The following GLIS3 variants were observed in gnomAD, a reference collection of about 807,000 sequenced individuals.
GLIS3 encodes the protein GLIS family zinc finger 3, also known as zinc finger protein GLIS3.
A neutral mutation model predicts 78.6 loss-of-function variants in GLIS3; 53 were observed. That is an observed-to-expected ratio of 0.67 (90% CI 0.54 to 0.85). The LOEUF is 0.85. GLIS3 is among the 40% of genes least tolerant of loss of function. The probability of loss-of-function intolerance (pLI) is 0.00; values close to 1 mark genes in which losing one functional copy is unlikely to be tolerated. For synonymous variants in GLIS3, 684 were observed against 509.9 expected (o/e 1.34, Z -4.60); for missense variants, 1,703 against 1,231.1 (o/e 1.38, Z -5.74).
At chr9:4,291,588 GAAGA>G (rs1443248702) in intron 1 of GLIS3, among the ~76,000 whole-genome samples, 1 of 151,966 alleles carries the variant, frequency 6.6e-6, no homozygotes, top group Non-Finnish European at 1.5e-5. Context: ...ACAGGACACA[GAAGA>G]AAGAAAGGAG....
rs1403353713 is a variant in GLIS3 at position 4,245,539 on chromosome 9, A to T, written c.388+40499T>A. ...TTTGAAAAATGCGAAGAGCTATATA[A>T]ATGTAAGGATGTGCAGTGGATGCTA... On this transcript the variant is annotated intron_variant, in intron 2 of 10. Transcript: ENST00000381971. Among the ~76,000 whole-genome samples, 8 of 152,354 alleles carry T rather than the reference A, an allele frequency of 5.3e-5. No homozygotes were observed. In the East Asian group the frequency reaches 1.2e-3, roughly 22 times the overall value.
chr9:4,077,731 G>C (rs1828200976), intron 4 of GLIS3, among the ~76,000 whole-genome samples: 2 of 152,112 alleles, frequency 1.3e-5, no homozygotes, highest in Admixed American at 6.6e-5. Context: ...GGGCGGGCTG[G>C]TCCTGTTCTC....
intron 4 of GLIS3, among the ~76,000 whole-genome samples, chr9:4,031,098 A>G (rs911928767): frequency 2.6e-5 from 4 of 152,360 alleles, no homozygotes; most frequent in South Asian, 4.1e-4. Flanking sequence ...CAGTTCTTCA[A>G]AAAGTTAAAT....
chr9:3,947,225 T>C (rs948095574), intron 4 of GLIS3, among the ~76,000 whole-genome samples: 4 of 152,264 alleles, frequency 2.6e-5, no homozygotes, highest in Non-Finnish European at 4.4e-5. Flanking sequence ...AAGATGAGAA[T>C]TGCCACTTCT....
chr9:4,452,698 T>G, the GLIS3 span, among the ~76,000 whole-genome samples: 2 of 152,198 alleles, frequency 1.3e-5, no homozygotes, highest in African/African-American at 4.8e-5. Context: ...GGACATTCCA[T>G]GTTCATGGAT....
chr9:3,867,624 C>G (rs936770588), intron 8 of GLIS3, among the ~76,000 whole-genome samples: 2 of 152,184 alleles, frequency 1.3e-5, no homozygotes, highest in African/African-American at 4.8e-5. Flanking sequence ...GCTTTCATCT[C>G]CATTTTCAAA....
chr9:4,389,925 G>C, the GLIS3 span, among the ~76,000 whole-genome samples: 1 of 152,232 alleles, frequency 6.6e-6, no homozygotes, highest in Non-Finnish European at 1.5e-5. Flanking sequence ...AACACAGTGT[G>C]ATAAGTAAAA....
At chr9:3,989,142 G>A (rs1376032326) in intron 4 of GLIS3, among the ~76,000 whole-genome samples, 1 of 152,078 alleles carries the variant, frequency 6.6e-6, no homozygotes, top group Non-Finnish European at 1.5e-5. Flanking sequence ...AAGCATATGA[G>A]AAGATGTTCA....
At chr9:4,380,702 T>C in the GLIS3 span, among the ~76,000 whole-genome samples, 4 of 152,184 alleles carry the variant, frequency 2.6e-5, no homozygotes, top group African/African-American at 9.6e-5. Context: ...GAAACACTGG[T>C]CATTACCAAT....
intron 2 of GLIS3, among the ~76,000 whole-genome samples, chr9:4,261,995 G>A (rs1825576500): frequency 6.6e-6 from 1 of 152,206 alleles, no homozygotes; most frequent in Admixed American, 6.5e-5. Context: ...AAAAGTTCCT[G>A]TGTAAGGTGG....
intron 4 of GLIS3, among the ~76,000 whole-genome samples, chr9:3,941,139 C>T (rs758683772): frequency 2.6e-4 from 39 of 152,192 alleles, no homozygotes; most frequent in Non-Finnish European, 4.6e-4. Context: ...GAATGCCATT[C>T]ATACTGTGAT....
intron 2 of GLIS3, among the ~76,000 whole-genome samples, chr9:4,154,687 A>G (rs1338377227): frequency 6.6e-6 from 1 of 152,220 alleles, no homozygotes; most frequent in Non-Finnish European, 1.5e-5. Context: ...ACATAAAATG[A>G]ACACAATATT....
intron 2 of GLIS3, among the ~76,000 whole-genome samples, chr9:4,343,151 C>G (rs956587863): frequency 6.7e-6 from 1 of 149,068 alleles, no homozygotes; most frequent in African/African-American, 2.5e-5. Context: ...CCAGCCTGGG[C>G]AACATAGCAA....
At chr9:3,902,241 TA>T (rs1823358787) in intron 6 of GLIS3, among the ~76,000 whole-genome samples, 1 of 152,174 alleles carries the variant, frequency 6.6e-6, no homozygotes, top group South Asian at 2.1e-4. Context: ...GAACCTTAAG[TA>T]AAATTTCCAA....
In GLIS3 at chr9:4,031,621, A is replaced by T. The variant is rs12346654; in HGVS notation, c.1710+86147T>A. Among the ~76,000 whole-genome samples the T allele has an allele frequency of 8.0e-3, 1,218 of 152,362 alleles. 14 individuals are homozygous for T. The highest frequency in any genetic ancestry group is 0.027 in the African/African-American group (1,130 of 41,592). On this transcript the variant is annotated intron_variant, in intron 4 of 10. Transcript: ENST00000381971. Reference sequence around the variant, plus strand: ...CCACCAAACTACAGACTTAAAAATGATTAATTTTATGCCATGCACATTTCA... The same window carrying T: ...CCACCAAACTACAGACTTAAAAATGTTTAATTTTATGCCATGCACATTTCA...
At chr9:4,206,798 C>T (rs1480365450) in intron 2 of GLIS3, among the ~76,000 whole-genome samples, 4 of 151,766 alleles carry the variant, frequency 2.6e-5, no homozygotes, top group African/African-American at 9.7e-5. Flanking sequence ...AACTGTTTAA[C>T]TGTTTATTGA....
At chr9:4,353,993 A>ATT in the GLIS3 span, among the ~76,000 whole-genome samples, 504 of 135,744 alleles carry the variant, frequency 3.7e-3, 3 homozygotes, top group East Asian at 0.019. Context: ...ACACCCGGCT[A>ATT]TTTTTTTTTT....
chr9:4,349,709 G>T (rs956304308), upstream of GLIS3, among the ~76,000 whole-genome samples: 2 of 149,034 alleles, frequency 1.3e-5, no homozygotes, highest in African/African-American at 5.0e-5. Context: ...CAGAAATGAT[G>T]AATAAAAGAC....
At chr9:4,126,149 C>G (rs990138998) in intron 2 of GLIS3, among the ~76,000 whole-genome samples, 4 of 152,042 alleles carry the variant, frequency 2.6e-5, no homozygotes, top group Non-Finnish European at 4.4e-5. Context: ...AATCAGCACT[C>G]ATACAAAATG....
Sources: allele counts gnomAD v4.1 joint callset (sites outside exome capture counted in the v4.1 genomes callset), GRCh38; gene constraint gnomAD v4.1.1; transcripts MANE v1.5; gene names NCBI Gene and HGNC (gene_info 2026-07-23, HGNC 2026-07-21).